CSPP1: variants seen among roughly 807,000 people sequenced by gnomAD.
The protein encoded by CSPP1 is centrosome and spindle pole-associated protein 1.
A neutral mutation model predicts 164.4 loss-of-function variants in CSPP1; 126 were observed. The ratio of observed to expected loss-of-function variants is 0.77; its 90% confidence interval spans 0.66 to 0.89. CSPP1 has a LOEUF of 0.89. Among genes scored for constraint, CSPP1 ranks in the 40% least tolerant of loss-of-function variants. The pLI is 0.00. For missense variants in CSPP1, 1,395 were observed against 1,449.8 expected (o/e 0.96, Z 0.61); for synonymous variants, 472 against 476.7 (o/e 0.99, Z 0.13).
intron 21 of CSPP1, among the ~76,000 whole-genome samples, chr8:67,159,900 CTTTCTTTCTTTCTTTCTT>C (rs1464076121): frequency 4.5e-5 from 3 of 66,752 alleles, no homozygotes; most frequent in Non-Finnish European, 5.4e-5. Context: ...TTCTTTCTTT[CTTTCTTTCTTTCTTTCTT>C]TCTTTCCTTT....
At chr8:67,074,768 A>C in intron 2 of CSPP1, 1 of 303,756 alleles carries the variant, frequency 3.3e-6, no homozygotes, top group South Asian at 2.8e-5. Flanking sequence ...TCTTAATATA[A>C]ATTTCTTAAA....
intron 28 of CSPP1, among the ~76,000 whole-genome samples, chr8:67,184,118 G>C (rs1833768109): frequency 6.6e-6 from 1 of 152,126 alleles, no homozygotes; most frequent in Admixed American, 6.5e-5. Flanking sequence ...CTCCCAAAGT[G>C]CTGGGATTAT....
chr8:67,195,771 TG>T lies in CSPP1; in HGVS notation c.*179del. 3 of 592,524 alleles carry T rather than the reference TG, an allele frequency of 5.1e-6. No homozygotes were observed. Among genetic ancestry groups the T allele is most frequent in the Non-Finnish European group, 9.1e-6 (3 of 329,962 alleles). The allele number at this position is 592,524 out of a possible 1,614,324, so 36.7% of individuals were successfully genotyped here. On this transcript the variant is annotated 3_prime_UTR_variant, in exon 31 of 31. Transcript: ENST00000678616. Reference sequence around the variant, plus strand: ...TACATAAATAAAAGGCCATGATTATTGATTTATATAATAGAATTGTATAGAT... The same window carrying T: ...TACATAAATAAAAGGCCATGATTATTATTTATATAATAGAATTGTATAGAT...
intron 24 of CSPP1, among the ~76,000 whole-genome samples, chr8:67,167,199 G>C (rs1354269763): frequency 6.9e-6 from 1 of 145,102 alleles, no homozygotes; most frequent in African/African-American, 2.6e-5. Flanking sequence ...TGACAAAACC[G>C]CAATCATCAT....
At chr8:67,111,456 G>A (rs1816818885) in intron 9 of CSPP1, among the ~76,000 whole-genome samples, 1 of 152,162 alleles carries the variant, frequency 6.6e-6, no homozygotes, top group Non-Finnish European at 1.5e-5. Flanking sequence ...TAGATGTAGA[G>A]AGGACTTATC....
chr8:67,116,490 C>T (rs1334368018), intron 13 of CSPP1, among the ~76,000 whole-genome samples: 1 of 151,972 alleles, frequency 6.6e-6, no homozygotes, highest in African/African-American at 2.4e-5. Flanking sequence ...TCAATTTGTG[C>T]AGAAAAAGTT....
chr8:67,086,855 G>A (rs1439624948), intron 4 of CSPP1: 1 of 1,345,924 alleles, frequency 7.4e-7, no homozygotes, highest in Admixed American at 1.9e-5. Context: ...AGGTAGGGTT[G>A]TCTGCAATAC....
Position 67,180,023 on chromosome 8 carries a change from TAAA to T in CSPP1, c.3220+108_3220+110del, listed in dbSNP as rs768421527. On this transcript the variant is annotated intron_variant, in intron 28 of 30. Coordinates refer to ENST00000678616, the MANE Select transcript of CSPP1 (RefSeq NM_001382391.1). ...CTGTATTCCTTGTTGTACAAGGTAGTAAAAAAAAAAAAAGGAATATTCTTTTTT... is the reference window on the plus strand; with the variant it reads ...CTGTATTCCTTGTTGTACAAGGTAGTAAAAAAAAAAGGAATATTCTTTTTT... 0.045 allele frequency: 21,446 copies of T among 472,380 alleles called. 460 individuals are homozygous for T. The highest frequency in any genetic ancestry group is 0.06 in the Middle Eastern group (115 of 1,928). 29.3% of individuals were successfully genotyped at this position (472,380 alleles called of 1,614,324 possible).
chr8:67,193,390 C>G lies in CSPP1; in HGVS notation c.3331-74C>G, dbSNP rs1471327046. ...GGGATCACAGGTGATAGGCACCATG[C>G]CTGGCCCTGATTCACTGATTTGTGA... On this transcript the variant is annotated intron_variant, in intron 29 of 30. Transcript: ENST00000678616. 7 of 1,364,818 alleles carry G rather than the reference C, an allele frequency of 5.1e-6. No homozygotes were observed. The East Asian group carries it at 7.1e-5, about 14-fold the overall frequency. The allele number at this position is 1,364,818 out of a possible 1,614,324, so 84.5% of individuals were successfully genotyped here.
At chr8:67,097,887 T>C (rs1446085023) in intron 7 of CSPP1, among the ~76,000 whole-genome samples, 4 of 151,944 alleles carry the variant, frequency 2.6e-5, no homozygotes. Flanking sequence ...AGAATAATTC[T>C]TGTTAAATAC....
chr8:67,093,684 A>C, intron 6 of CSPP1, 43 bp downstream of exon 6: 1 of 1,061,422 alleles, frequency 9.4e-7, no homozygotes, highest in Non-Finnish European at 1.4e-6. Context: ...CTACTACCAC[A>C]GGTTGAATAT....
At chr8:67,186,838 T>C (rs1834735061) in intron 28 of CSPP1, among the ~76,000 whole-genome samples, 1 of 152,186 alleles carries the variant, frequency 6.6e-6, no homozygotes, top group African/African-American at 2.4e-5. Flanking sequence ...GGATACAAGA[T>C]GAATATATAA....
At position 67,175,452 on chromosome 8, in the gene CSPP1, T is replaced by TGCTGTGTCAAATAGTATCAGCAC. The variant is rs1218495459; in HGVS notation, c.3109+22_3109+44dup. On this transcript the variant is annotated intron_variant, in intron 26 of 30. Coordinates refer to ENST00000678616, the MANE Select transcript of CSPP1 (RefSeq NM_001382391.1). Reference sequence around the variant, plus strand: ...GGTGCCAAAGGTAAGAAATAATCATTGCTGTGTCAAATAGTATCAGCACGC... The same window carrying TGCTGTGTCAAATAGTATCAGCAC: ...GGTGCCAAAGGTAAGAAATAATCATTGCTGTGTCAAATAGTATCAGCACGCTGTGTCAAATAGTATCAGCACGC... 1 of 1,613,960 alleles carries TGCTGTGTCAAATAGTATCAGCAC rather than the reference T, an allele frequency of 6.2e-7. No homozygotes were observed. The highest frequency in any genetic ancestry group is 1.7e-5 in the Admixed American group (1 of 60,024).
chr8:67,158,524 T>C lies in CSPP1; in HGVS notation c.2319T>C (p.Leu773=). Residue 773 remains leucine (L), a synonymous_variant, in exon 20 of 31, where the codon CTT becomes CTC. Transcript: ENST00000678616. ...CAGAAGAAAAAGAAGAAAGACGGCT[T>C]GCAGAACAGAGGGCACGAATTCAGC... ...RIAEEKEERR[L]AEQRARIQQE... is the part of the protein sequence containing the mutation. 1.2e-6 allele frequency: 2 copies of C among 1,612,858 alleles called. No homozygotes were observed. The highest frequency in any genetic ancestry group is 2.2e-5 in the East Asian group (1 of 44,818).
At position 67,105,323 on chromosome 8, in the gene CSPP1, C is replaced by G. The variant is rs571046447; in HGVS notation, c.1023-582C>G. 7.9e-5 allele frequency among the ~76,000 whole-genome samples: 12 copies of G among 152,068 alleles called. No individual in the cohort carries two copies. The East Asian group carries it at 2.3e-3, about 29-fold the overall frequency. On this transcript the variant is annotated intron_variant, in intron 8 of 30. Transcript: ENST00000678616. Reference sequence around the variant, plus strand: ...TACAGGTGTTAGCCACCACGCCCAGCCTGAAAAAGATTTTATTTGAGAACC... The same window carrying G: ...TACAGGTGTTAGCCACCACGCCCAGGCTGAAAAAGATTTTATTTGAGAACC...
intron 17 of CSPP1, among the ~76,000 whole-genome samples, chr8:67,140,042 T>G (rs1433850925): frequency 6.6e-6 from 1 of 152,150 alleles, no homozygotes; most frequent in Non-Finnish European, 1.5e-5. Flanking sequence ...AATATTGGTT[T>G]TTTTGAAGAT....
intron 10 of CSPP1, among the ~76,000 whole-genome samples, chr8:67,112,436 CAT>C (rs1366717693): frequency 6.6e-6 from 1 of 151,850 alleles, no homozygotes; most frequent in African/African-American, 2.4e-5. Flanking sequence ...TGCACACACA[CAT>C]ACATGCAAAA....
At chr8:67,086,938 A>T in intron 4 of CSPP1, 2 of 625,982 alleles carry the variant, frequency 3.2e-6, no homozygotes. Flanking sequence ...TGCATTTATG[A>T]GATTCAAACC....
At chr8:67,106,003 G>A (rs768773646) in intron 9 of CSPP1, 28 bp downstream of exon 9, 19 of 1,185,584 alleles carry the variant, frequency 1.6e-5, no homozygotes, top group South Asian at 3.7e-5. Context: ...AACTAGTTGC[G>A]CTTGTATAGA....
Sources: allele counts gnomAD v4.1 joint callset (sites outside exome capture counted in the v4.1 genomes callset), GRCh38; gene constraint gnomAD v4.1.1; transcripts MANE v1.5; gene names NCBI Gene and HGNC (gene_info 2026-07-23, HGNC 2026-07-21).